RUNX1: variants seen among roughly 807,000 people sequenced by gnomAD.
RUNX1 encodes the protein runt-related transcription factor 1.
RUNX1 carries 19 observed loss-of-function variants against 42.8 expected under a neutral mutation model. The ratio of observed to expected loss-of-function variants is 0.44; its 90% CI spans 0.31 to 0.65. RUNX1 has a LOEUF of 0.65. Ranked by LOEUF, RUNX1 falls within the 30% of genes least tolerant of loss-of-function variation. The pLI, the probability that RUNX1 is intolerant of heterozygous loss-of-function variation, is 0.07. For missense variants in RUNX1, 528 were observed against 672.0 expected, an observed-to-expected ratio of 0.79 and a Z score of 2.37; for synonymous variants, 271 against 289.4, an observed-to-expected ratio of 0.94 and a Z score of 0.64.
intron 2 of RUNX1, among the ~76,000 whole-genome samples, chr21:35,042,069 G>A (rs973599177): frequency 6.6e-6 from 1 of 152,198 alleles, no homozygotes; most frequent in Non-Finnish European, 1.5e-5. Flanking sequence ...TGGCTCTGAT[G>A]CAAGCAACAT....
intron 2 of RUNX1, among the ~76,000 whole-genome samples, chr21:35,033,989 C>T (rs190763168): frequency 9.2e-5 from 14 of 152,154 alleles, no homozygotes; most frequent in Non-Finnish European, 1.3e-4. Context: ...TAACTAGACA[C>T]GAAGATAACT....
chr21:34,969,567 A>G (rs1341991632), intron 2 of RUNX1, among the ~76,000 whole-genome samples: 1 of 152,184 alleles, frequency 6.6e-6, no homozygotes, highest in Non-Finnish European at 1.5e-5. Context: ...AGTAGATCAA[A>G]CAGCGAGAGG....
intron 3 of RUNX1, chr21:34,889,672 C>T: frequency 8.7e-7 from 1 of 1,150,626 alleles, no homozygotes; most frequent in Non-Finnish European, 1.1e-6. Context: ...AGGTGCGGAA[C>T]CCACCCCGGC....
chr21:34,836,313 A>G (rs570951427), intron 6 of RUNX1, among the ~76,000 whole-genome samples: 2 of 152,332 alleles, frequency 1.3e-5, no homozygotes, highest in South Asian at 2.1e-4. Flanking sequence ...ATGAAAGGCC[A>G]TGGGGCCAGG....
intron 2 of RUNX1, among the ~76,000 whole-genome samples, chr21:34,974,329 C>T (rs1029241858): frequency 2.6e-5 from 4 of 151,894 alleles, no homozygotes; most frequent in Admixed American, 2.0e-4. Flanking sequence ...CTTGCCTGTC[C>T]TCTGCCAGGG....
At chr21:34,828,311 T>C (rs2057017276) in intron 7 of RUNX1, among the ~76,000 whole-genome samples, 1 of 152,234 alleles carries the variant, frequency 6.6e-6, no homozygotes, top group African/African-American at 2.4e-5. Flanking sequence ...TTTTTCTCTT[T>C]TGGAGTAGGA....
chr21:34,803,054 A>C (rs117226154), intron 7 of RUNX1, among the ~76,000 whole-genome samples: 1,562 of 152,260 alleles, frequency 0.01, 16 homozygotes, highest in Non-Finnish European at 0.015. Context: ...GACCACACAC[A>C]TTTGCTCCAG....
At chr21:34,890,788 GCGCC>G (rs1005152997) in intron 3 of RUNX1, among the ~76,000 whole-genome samples, 3 of 128,378 alleles carry the variant, frequency 2.3e-5, no homozygotes, top group Admixed American at 9.8e-5. Context: ...TGCATCGCGC[GCGCC>G]CGCCCGCCCG....
rs545124394 is a variant in RUNX1 at position 34,907,684 on chromosome 21, A to C, written c.59-14721T>G. On this transcript the variant is annotated intron_variant, in intron 2 of 8. Coordinates refer to ENST00000675419, the MANE Select transcript of RUNX1 (RefSeq NM_001754.5). The surrounding 1 kb of genome is among the most constrained non-coding windows in gnomAD (Gnocchi z 5.3). Reference sequence around the variant, plus strand: ...AAATCATGCCATGTAAAAGTTATCAAGAAAACCAATTAAATCATAACTGCC... The same window carrying C: ...AAATCATGCCATGTAAAAGTTATCACGAAAACCAATTAAATCATAACTGCC... 2.6e-5 allele frequency among the ~76,000 whole-genome samples: 4 copies of C among 152,302 alleles called. No individual in the cohort carries two copies. The highest frequency in any genetic ancestry group is 9.6e-5 in the African/African-American group (4 of 41,558).
intron 2 of RUNX1, among the ~76,000 whole-genome samples, chr21:34,919,851 G>A (rs2058340889): frequency 6.6e-6 from 1 of 152,174 alleles, no homozygotes; most frequent in Non-Finnish European, 1.5e-5. Context: ...AATTGTGAAA[G>A]GAACAAGCAC....
At chr21:34,869,371 C>G (rs1029987362) in intron 5 of RUNX1, among the ~76,000 whole-genome samples, 2 of 152,190 alleles carry the variant, frequency 1.3e-5, no homozygotes, top group African/African-American at 4.8e-5. Context: ...GCTGGCACAT[C>G]TGAGTCCTAC....
intron 2 of RUNX1, among the ~76,000 whole-genome samples, chr21:34,930,272 A>ATG (rs1303527623): frequency 1.3e-5 from 1 of 79,298 alleles, no homozygotes; most frequent in African/African-American, 5.1e-5. Flanking sequence ...GTGTGTATGT[A>ATG]TATATATATA....
At chr21:34,864,798 A>G (rs925992140) in intron 5 of RUNX1, among the ~76,000 whole-genome samples, 1 of 152,174 alleles carries the variant, frequency 6.6e-6, no homozygotes, top group Non-Finnish European at 1.5e-5. Flanking sequence ...ACCAAACGAC[A>G]CTCATACTGA....
At chr21:34,960,537 C>A (rs1370313176) in intron 2 of RUNX1, among the ~76,000 whole-genome samples, 1 of 152,152 alleles carries the variant, frequency 6.6e-6, no homozygotes, top group African/African-American at 2.4e-5. Flanking sequence ...TTACATCTGT[C>A]AGTGTTATAA....
chr21:34,958,605 C>T (rs1228678691), intron 2 of RUNX1, among the ~76,000 whole-genome samples: 1 of 152,190 alleles, frequency 6.6e-6, no homozygotes, highest in Non-Finnish European at 1.5e-5. Flanking sequence ...GTTGGTGGGA[C>T]TGTAAACTAG....
intron 2 of RUNX1, among the ~76,000 whole-genome samples, chr21:34,946,055 C>A (rs2058561283): frequency 6.6e-6 from 1 of 152,168 alleles, no homozygotes; most frequent in South Asian, 2.1e-4. Flanking sequence ...CCAATTCTGT[C>A]CATTCTACCT....
chr21:34,941,763 G>C (rs1365929067), intron 2 of RUNX1, among the ~76,000 whole-genome samples: 2 of 151,746 alleles, frequency 1.3e-5, no homozygotes, highest in Non-Finnish European at 2.9e-5. Context: ...GGTATGGAAG[G>C]CTGAAAATAG....
At position 34,792,457 on chromosome 21, in the gene RUNX1, G is replaced by A. The variant is rs1177469638; in HGVS notation, c.1121C>T (p.Ala374Val). Residue 374 changes from alanine to valine, a missense_variant, in exon 9 of 9, where the codon GCC becomes GTC. Transcript: ENST00000675419. The surrounding 1 kb of genome is among the most constrained non-coding windows in gnomAD (Gnocchi z 6.9). ...CGGCAGGTAGGTGTGGTAGCGCGTG[G>A]CCGAGCCCATGGCCGACATGCCGAT... Reference protein sequence around the residue: ...IGIGMSAMGSATRYHTYLPPP... With the variant: ...IGIGMSAMGSVTRYHTYLPPP... The A allele has an allele frequency of 1.9e-6, 3 of 1,579,694 alleles. No individual in the cohort carries two copies. Among genetic ancestry groups the A allele is most frequent in the Non-Finnish European group, 2.6e-6 (3 of 1,163,014 alleles).
At chr21:35,001,747 A>G (rs990694992) in intron 2 of RUNX1, among the ~76,000 whole-genome samples, 2 of 152,198 alleles carry the variant, frequency 1.3e-5, no homozygotes, top group Admixed American at 6.5e-5. Flanking sequence ...AGAAAACTCT[A>G]AAGAATCCTG....
Sources: allele counts gnomAD v4.1 joint callset (sites outside exome capture counted in the v4.1 genomes callset), GRCh38; gene constraint gnomAD v4.1.1; non-coding constraint Gnocchi (gnomAD v3.1); transcripts MANE v1.5; gene names NCBI Gene and HGNC (gene_info 2026-07-23, HGNC 2026-07-21).